STAG1: variants seen among roughly 807,000 people sequenced by gnomAD.
STAG1 encodes STAG1 cohesin complex component.
STAG1 carries 26 observed loss-of-function variants against 170.9 expected under a neutral mutation model. The observed-to-expected ratio is 0.15, with a 90% CI of 0.11 to 0.21. The LOEUF is 0.21. Among genes scored for constraint, STAG1 ranks in the 10% least tolerant of loss-of-function variants. The pLI is 1.00. For missense variants in STAG1, 964 were observed against 1,509.5 expected (o/e 0.64, Z 5.99); for synonymous variants, 514 against 497.7 (o/e 1.03, Z -0.44).
At chr3:136,470,394 A>T (rs2089594978) in intron 12 of STAG1, among the ~76,000 whole-genome samples, 1 of 152,246 alleles carries the variant, frequency 6.6e-6, no homozygotes, top group Non-Finnish European at 1.5e-5. Context: ...AATGCTCATC[A>T]TCACTGGCCA....
At chr3:136,699,966 C>T (rs1040744002) in intron 1 of STAG1, among the ~76,000 whole-genome samples, 2 of 152,022 alleles carry the variant, frequency 1.3e-5, no homozygotes, top group African/African-American at 4.8e-5. Flanking sequence ...AGCCATATCA[C>T]ATGTACATCT....
chr3:136,344,103 A>C (rs1277621180), intron 29 of STAG1, 97 bp from the exon 30 acceptor site: 1 of 839,430 alleles, frequency 1.2e-6, no homozygotes, highest in Non-Finnish European at 1.7e-6. Flanking sequence ...CTCTGCAGTC[A>C]GACTGCCCAC....
chr3:136,622,216 A>C (rs904343039), intron 3 of STAG1, among the ~76,000 whole-genome samples: 2 of 151,258 alleles, frequency 1.3e-5, no homozygotes, highest in African/African-American at 4.9e-5. Context: ...GCTACTCAGG[A>C]GGCTGAGGCA....
intron 5 of STAG1, among the ~76,000 whole-genome samples, chr3:136,551,792 ACTATGTTGTCCAG>A (rs1434944832): frequency 1.3e-5 from 2 of 151,940 alleles, no homozygotes; most frequent in Non-Finnish European, 2.9e-5. Context: ...ACAGGGTCTT[ACTATGTTGTCCAG>A]GCTGGTCTTA....
intron 13 of STAG1, 136 bp downstream of exon 13, chr3:136,464,745 C>T: frequency 1.6e-6 from 1 of 616,540 alleles, no homozygotes; most frequent in Non-Finnish European, 2.8e-6. Context: ...GGCTGTGAGG[C>T]TGTTATAGCC....
At position 136,659,877 on chromosome 3, in the gene STAG1, G is replaced by A. The variant is rs1325555887; in HGVS notation, c.-83-28896C>T. Among the ~76,000 whole-genome samples, 3 of 152,050 alleles carry A rather than the reference G, an allele frequency of 2.0e-5. No individual in the cohort carries two copies. In the East Asian group the frequency reaches 5.8e-4, roughly 29 times the overall value. On this transcript the variant is annotated intron_variant, in intron 1 of 33. Coordinates refer to ENST00000383202, the MANE Select transcript of STAG1 (RefSeq NM_005862.3). Reference sequence around the variant, plus strand: ...CTAATGAAAAGGTTGGTCCAAATGTGGTATACTGAATTTTTTTTTGGCTGG... The same window carrying A: ...CTAATGAAAAGGTTGGTCCAAATGTAGTATACTGAATTTTTTTTTGGCTGG...
At chr3:136,567,731 T>G (rs954965392) in intron 5 of STAG1, among the ~76,000 whole-genome samples, 4 of 152,192 alleles carry the variant, frequency 2.6e-5, no homozygotes, top group Non-Finnish European at 5.9e-5. Context: ...TTCATCTCAG[T>G]TTGCAATGTA....
intron 5 of STAG1, among the ~76,000 whole-genome samples, chr3:136,557,390 TAAA>T (rs1167054330): frequency 1.3e-5 from 2 of 152,256 alleles, no homozygotes; most frequent in East Asian, 1.9e-4. Context: ...TTTTCACACT[TAAA>T]AAACTGAAGT....
chr3:136,343,991 T>G lies in STAG1; in HGVS notation c.3287A>C (p.Asn1096Thr). The change falls in exon 30 of 34, where the codon AAC becomes ACC. Residue 1096 changes from asparagine (N) to threonine (T), a missense_variant. Transcript: ENST00000383202. ...GGTGTCAGTCCTGTTTAGCCATGTGTTATCCAGACTCTCATCTGTAAAATT... is the reference window on the plus strand; with the variant it reads ...GGTGTCAGTCCTGTTTAGCCATGTGGTATCCAGACTCTCATCTGTAAAATT... ...KKRVEDESLD[N>T]TWLNRTDTMI... is the part of the protein sequence containing the mutation. 1 of 1,585,170 alleles carries G rather than the reference T, an allele frequency of 6.3e-7. No homozygotes were observed. The highest frequency in any genetic ancestry group is 8.6e-7 in the Non-Finnish European group (1 of 1,169,354).
At chr3:136,524,884 T>G (rs1934913110) in intron 6 of STAG1, among the ~76,000 whole-genome samples, 1 of 152,256 alleles carries the variant, frequency 6.6e-6, no homozygotes, top group Non-Finnish European at 1.5e-5. Context: ...TCTGTTCATG[T>G]GCTGGATTAC....
At chr3:136,445,607 G>C (rs1271610714) in intron 14 of STAG1, among the ~76,000 whole-genome samples, 1 of 152,062 alleles carries the variant, frequency 6.6e-6, no homozygotes, top group Non-Finnish European at 1.5e-5. Flanking sequence ...GGTAAATTTT[G>C]TTTTATATAT....
At chr3:136,430,691 G>GCATT (rs771177414) in intron 16 of STAG1, among the ~76,000 whole-genome samples, 38 of 151,206 alleles carry the variant, frequency 2.5e-4, no homozygotes, top group Middle Eastern at 3.5e-3. Flanking sequence ...GTGTTGGGCT[G>GCATT]CATTCAAAGC....
At chr3:136,563,482 C>T (rs1936922967) in intron 5 of STAG1, among the ~76,000 whole-genome samples, 1 of 151,782 alleles carries the variant, frequency 6.6e-6, no homozygotes, top group South Asian at 2.1e-4. Flanking sequence ...GTATCATTCC[C>T]TCACCTCAAT....
chr3:136,427,522 G>T (rs1390178013), intron 16 of STAG1, among the ~76,000 whole-genome samples: 1 of 152,082 alleles, frequency 6.6e-6, no homozygotes, highest in Non-Finnish European at 1.5e-5. Context: ...TACTAGTGAT[G>T]CTGGAAGTGT....
In STAG1 at chr3:136,369,148, A is replaced by T. The variant is rs1454111114; in HGVS notation, c.2505T>A (p.Asp835Glu). ...LQSELLSFVM[D>E]HVFIDQDEEN... Reference sequence around the variant, plus strand: ...CCTCGTCTTGGTCAATAAAAACGTGATCCATCACAAAACTGAGGAGTTCAG... The same window carrying T: ...CCTCGTCTTGGTCAATAAAAACGTGTTCCATCACAAAACTGAGGAGTTCAG... Residue 835 changes from aspartate to glutamate, a missense_variant, in exon 24 of 34, where the codon GAT becomes GAA. By Grantham distance (45) the Asp-to-Glu change is conservative (BLOSUM62 2). Transcript: ENST00000383202. 1.9e-6 allele frequency: 3 copies of T among 1,586,992 alleles called. No individual in the cohort carries two copies. Among genetic ancestry groups the T allele is most frequent in the Non-Finnish European group, 2.6e-6 (3 of 1,170,916 alleles).
chr3:136,569,230 T>G (rs1241518230), intron 4 of STAG1, among the ~76,000 whole-genome samples: 1 of 151,950 alleles, frequency 6.6e-6, no homozygotes, highest in African/African-American at 2.4e-5. Flanking sequence ...GAAAGCATAA[T>G]CCACCAGTAG....
intron 11 of STAG1, among the ~76,000 whole-genome samples, chr3:136,473,262 T>C (rs1476382785): frequency 1.3e-5 from 2 of 152,136 alleles, no homozygotes; most frequent in African/African-American, 2.4e-5. Context: ...AGTTGTATAA[T>C]TGTTTCATTA....
chr3:136,340,861 C>G (rs562474852), intron 31 of STAG1, among the ~76,000 whole-genome samples: 13 of 152,308 alleles, frequency 8.5e-5, no homozygotes, highest in Non-Finnish European at 1.6e-4. Context: ...GTCAATTACC[C>G]TAAAAATCTT....
In STAG1 at chr3:136,561,928, C is replaced by T. The variant is rs144639578; in HGVS notation, c.394+6837G>A. Among the ~76,000 whole-genome samples, 1,075 of 151,508 alleles carry T rather than the reference C, an allele frequency of 7.1e-3. 19 individuals are homozygous for T. Among genetic ancestry groups the T allele is most frequent in the African/African-American group, 0.023 (968 of 41,214 alleles). ...TCCACCCAAATTCTTCAGATGTAAA[C>T]ATTTACATCCGTTTTATCCTTCTTT... On this transcript the variant is annotated intron_variant, in intron 5 of 33. Transcript: ENST00000383202.
Sources: gnomAD v4.1 joint callset for allele counts (sites outside exome capture counted in the v4.1 genomes callset) on GRCh38, gnomAD v4.1.1 for gene constraint, MANE v1.5 for transcripts, NCBI Gene and HGNC (gene_info 2026-07-23, HGNC 2026-07-21) for gene names.